The following FAM185A variants were observed in gnomAD, a reference collection of about 807,000 sequenced individuals.
The protein encoded by FAM185A is family with sequence similarity 185 member A, also known as protein FAM185A.
FAM185A carries 21 observed loss-of-function variants against 45.7 expected under a neutral mutation model. The observed-to-expected ratio is 0.46, with a 90% confidence interval of 0.33 to 0.66. The LOEUF (loss-of-function observed/expected upper bound fraction) is 0.66, where lower values mean the gene tolerates loss of function less well. Among genes scored for constraint, FAM185A ranks in the 30% least tolerant of loss-of-function variants. The probability of loss-of-function intolerance (pLI) is 0.03; values close to 1 mark genes in which losing one functional copy is unlikely to be tolerated. For missense variants in FAM185A, 305 were observed against 485.4 expected, an observed-to-expected ratio of 0.63 and a Z score of 3.49; for synonymous variants, 117 against 194.0, an observed-to-expected ratio of 0.60 and a Z score of 3.30.
At chr7:102,767,738 C>T (rs980170467) in intron 4 of FAM185A, among the ~76,000 whole-genome samples, 1 of 152,068 alleles carries the variant, frequency 6.6e-6, no homozygotes, top group Non-Finnish European at 1.5e-5. Flanking sequence ...GTAGACATAG[C>T]CATTTGGATC....
the FAM185A span, among the ~76,000 whole-genome samples, chr7:102,847,977 A>G: frequency 6.6e-6 from 1 of 152,232 alleles, no homozygotes; most frequent in African/African-American, 2.4e-5. Flanking sequence ...GATCTAATAT[A>G]TACCAAGGTG....
chr7:102,811,200 A>G (rs1006050205), downstream of FAM185A, among the ~76,000 whole-genome samples: 2 of 152,044 alleles, frequency 1.3e-5, no homozygotes, highest in Non-Finnish European at 2.9e-5. Context: ...CATAAGCATA[A>G]CAGCAGTCAA....
chr7:102,749,465 C>T lies in FAM185A; in HGVS notation c.258C>T (p.Ala86=), dbSNP rs1220098059. 7 of 1,547,064 alleles carry T rather than the reference C, an allele frequency of 4.5e-6. No individual in the cohort carries two copies. In the East Asian group the frequency reaches 9.8e-5, roughly 22 times the overall value. Residue 86 remains alanine (A), a synonymous_variant, in exon 1 of 8, where the codon GCC becomes GCT. Coordinates refer to ENST00000413034, the MANE Select transcript of FAM185A (RefSeq NM_001145268.2). ...GGGCGCGGCTCCCGTGCCACCTGGC[C>T]GTGAGGCCCCTGGACCCCCTCACCT... ...RLRARLPCHL[A]VRPLDPLTYP...
chr7:102,801,690 T>G (rs924240940), intron 7 of FAM185A, among the ~76,000 whole-genome samples: 1 of 152,154 alleles, frequency 6.6e-6, no homozygotes, highest in Non-Finnish European at 1.5e-5. Flanking sequence ...TTTGGGAGGC[T>G]GAGGCGGGTA....
At chr7:102,814,564 C>T in the FAM185A span, 1 of 152,182 alleles carries the variant, frequency 6.6e-6, no homozygotes, top group Non-Finnish European at 1.5e-5. Flanking sequence ...AGGGAGGTAA[C>T]CAAAGCATTC....
At chr7:102,811,544 GC>G (rs1008142515), downstream of FAM185A, among the ~76,000 whole-genome samples, 2 of 152,200 alleles carry the variant, frequency 1.3e-5, no homozygotes, top group African/African-American at 2.4e-5. Context: ...TACTCAAAGA[GC>G]TTTGGAGCAA....
intron 6 of FAM185A, among the ~76,000 whole-genome samples, chr7:102,780,004 C>A (rs1421001783): frequency 2.0e-5 from 3 of 151,948 alleles, no homozygotes; most frequent in African/African-American, 7.3e-5. Flanking sequence ...AGCCACTGTG[C>A]CTGGCTGCAA....
At chr7:102,785,749 C>T (rs1327724616) in intron 6 of FAM185A, among the ~76,000 whole-genome samples, 3 of 152,082 alleles carry the variant, frequency 2.0e-5, no homozygotes, top group Non-Finnish European at 4.4e-5. Context: ...CTAGGCAATA[C>T]CATTCAGGAC....
intron 7 of FAM185A, among the ~76,000 whole-genome samples, chr7:102,803,706 A>AAAGG (rs199731313): frequency 0.45 from 68,167 of 151,220 alleles, 17,006 homozygotes; most frequent in African/African-American, 0.68. Context: ...AGAAGGAAAT[A>AAAGG]AAGGGTATCC....
chr7:102,793,322 C>T (rs1305735777), intron 7 of FAM185A, among the ~76,000 whole-genome samples: 1 of 152,126 alleles, frequency 6.6e-6, no homozygotes, highest in African/African-American at 2.4e-5. Context: ...AGGGGTTCTT[C>T]TGCCTCAGCC....
At chr7:102,761,890 C>G (rs1310836519) in intron 4 of FAM185A, among the ~76,000 whole-genome samples, 1 of 152,096 alleles carries the variant, frequency 6.6e-6, no homozygotes, top group East Asian at 1.9e-4. Context: ...TCTCAAACTC[C>G]TGGGCCCAAG....
the FAM185A span, among the ~76,000 whole-genome samples, chr7:102,834,285 T>G: frequency 6.7e-6 from 1 of 150,208 alleles, no homozygotes; most frequent in African/African-American, 2.4e-5. Flanking sequence ...GTTAGAGACC[T>G]CAGTAAATGG....
the FAM185A span, among the ~76,000 whole-genome samples, chr7:102,826,793 T>G: frequency 7.9e-6 from 1 of 127,130 alleles, no homozygotes; most frequent in Non-Finnish European, 1.7e-5. Context: ...CTCTAATATA[T>G]TAATATATAT....
intron 7 of FAM185A, among the ~76,000 whole-genome samples, chr7:102,798,811 A>T (rs1796596403): frequency 6.6e-6 from 1 of 152,042 alleles, no homozygotes; most frequent in South Asian, 2.1e-4. Flanking sequence ...GCAATGGCAC[A>T]ATCTCGGCTC....
the FAM185A span, among the ~76,000 whole-genome samples, chr7:102,831,055 A>T: frequency 6.6e-6 from 1 of 152,018 alleles, no homozygotes; most frequent in African/African-American, 2.4e-5. Flanking sequence ...GTTGGGAACC[A>T]CCCCTGTCAG....
chr7:102,841,302 G>A, the FAM185A span, among the ~76,000 whole-genome samples: 1 of 150,250 alleles, frequency 6.7e-6, no homozygotes, highest in Non-Finnish European at 1.5e-5. Flanking sequence ...ATAAACTAAT[G>A]TTCCAGGGGC....
chr7:102,818,489 C>T, the FAM185A span, among the ~76,000 whole-genome samples: 1 of 152,198 alleles, frequency 6.6e-6, no homozygotes, highest in Non-Finnish European at 1.5e-5. Flanking sequence ...TTTGTTCATA[C>T]TGATAATAAA....
intron 7 of FAM185A, among the ~76,000 whole-genome samples, chr7:102,793,358 C>A (rs1449656372): frequency 6.6e-6 from 1 of 152,052 alleles, no homozygotes; most frequent in Non-Finnish European, 1.5e-5. Context: ...ACTACAGGCG[C>A]CCGCCACCAT....
At chr7:102,790,344 T>G (rs1362859121) in intron 7 of FAM185A, among the ~76,000 whole-genome samples, 1 of 152,172 alleles carries the variant, frequency 6.6e-6, no homozygotes, top group Non-Finnish European at 1.5e-5. Flanking sequence ...TATTATAATC[T>G]TATGGGACAA....
Sources: gnomAD v4.1 joint callset for allele counts (sites outside exome capture counted in the v4.1 genomes callset) on GRCh38, gnomAD v4.1.1 for gene constraint, MANE v1.5 for transcripts, NCBI Gene and HGNC (gene_info 2026-07-23, HGNC 2026-07-21) for gene names.